Variants in RASGRF1 observed in about 807,000 individuals in gnomAD.
RASGRF1 encodes ras-specific guanine nucleotide-releasing factor 1.
In RASGRF1, 40 loss-of-function variants were observed where a neutral mutation model predicts 138.7. The observed-to-expected ratio is 0.29, with a 90% confidence interval of 0.22 to 0.38. The LOEUF (loss-of-function observed/expected upper bound fraction) is 0.38, where lower values mean the gene tolerates loss of function less well. Among genes scored for constraint, RASGRF1 ranks in the 10% least tolerant of loss-of-function variants. RASGRF1 has a pLI of 1.00. For missense variants in RASGRF1, 1,108 were observed against 1,650.4 expected, an observed-to-expected ratio of 0.67 and a Z score of 5.69; for synonymous variants, 614 against 663.2, an observed-to-expected ratio of 0.93 and a Z score of 1.14.
chr15:79,004,801 G>A (rs1166169170), intron 14 of RASGRF1: 9 of 985,390 alleles, frequency 9.1e-6, no homozygotes, highest in Middle Eastern at 5.2e-4. Context: ...TTGTCTCATC[G>A]AGGCTGTCTG....
intron 25 of RASGRF1, among the ~76,000 whole-genome samples, chr15:78,972,835 T>C (rs561088575): frequency 6.6e-6 from 1 of 152,238 alleles, no homozygotes; most frequent in South Asian, 2.1e-4. Flanking sequence ...AAACTTACTC[T>C]TTTAGGAGGT....
intron 15 of RASGRF1, 51 bp downstream of exon 15, chr15:79,003,751 C>T (rs760577561): frequency 1.3e-6 from 2 of 1,537,936 alleles, no homozygotes; most frequent in Non-Finnish European, 1.7e-6. Flanking sequence ...CAGGCTGAGC[C>T]TCAGTGGGGC....
intron 24 of RASGRF1, among the ~76,000 whole-genome samples, chr15:78,975,127 G>A (rs1055969235): frequency 7.2e-5 from 11 of 152,166 alleles, no homozygotes; most frequent in Non-Finnish European, 1.3e-4. Flanking sequence ...GCTCACTCCT[G>A]TAATCCCAGG....
chr15:79,024,350 C>T (rs2057013790), intron 10 of RASGRF1, among the ~76,000 whole-genome samples: 1 of 151,904 alleles, frequency 6.6e-6, no homozygotes, highest in African/African-American at 2.4e-5. Flanking sequence ...AGAGACACAA[C>T]ACACATAGAG....
At chr15:79,056,506 A>C (rs1027402055) in intron 3 of RASGRF1, among the ~76,000 whole-genome samples, 2 of 152,162 alleles carry the variant, frequency 1.3e-5, no homozygotes, top group African/African-American at 4.8e-5. Context: ...TGGCAAGCAG[A>C]CAGGAGACCT....
At chr15:79,003,678 C>A in intron 15 of RASGRF1, 124 bp downstream of exon 15, 1 of 1,424,076 alleles carries the variant, frequency 7.0e-7, no homozygotes, top group Non-Finnish European at 9.3e-7. Flanking sequence ...CTGGTGGGAC[C>A]CCCAAGCCTC....
At chr15:78,988,048 A>G (rs775659657) in intron 22 of RASGRF1, among the ~76,000 whole-genome samples, 2 of 152,244 alleles carry the variant, frequency 1.3e-5, no homozygotes, top group Non-Finnish European at 2.9e-5. Flanking sequence ...CATCCTGTGT[A>G]TCAGAACCAA....
At chr15:79,030,244 T>C (rs1017053774) in intron 8 of RASGRF1, among the ~76,000 whole-genome samples, 2 of 152,146 alleles carry the variant, frequency 1.3e-5, no homozygotes, top group African/African-American at 4.8e-5. Context: ...TTTAGGGCAC[T>C]GAGTGTTTGG....
rs1056603931 is a variant in RASGRF1 at position 78,998,190 on chromosome 15, C to T, written c.2872G>A (p.Glu958Lys). ...KHSQDFETND[E>K]LKCKVIGFLE... ...AAGCCGATCACCTTGCATTTGAGCT[C>T]ATCGTTGGTCTCAAAGTCCTGCCGG... The change falls in exon 19 of 27, where the codon GAG becomes AAG. Residue 958 changes from glutamate (E) to lysine (K), a missense_variant. Physicochemically the swap from Glu to Lys is moderately conservative, Grantham distance 56. Coordinates refer to ENST00000558480, the MANE Select transcript of RASGRF1 (RefSeq NM_001145648.3). 5 of 1,614,184 alleles carry T rather than the reference C, an allele frequency of 3.1e-6. No individual in the cohort carries two copies. The highest frequency in any genetic ancestry group is 1.6e-4 in the Middle Eastern group (1 of 6,062).
rs1315952259 is a variant in RASGRF1 at position 79,004,133 on chromosome 15, G to T, written c.2118C>A (p.Leu706=). The change falls in exon 15 of 27, where the codon CTC becomes CTA. Residue 706 remains leucine (L), a synonymous_variant. Transcript: ENST00000558480. ...GGGACTTGGGGGGTTCACCGTACAGGAGCTTATTGTTCTGGCCACTGGCAA... is the reference window on the plus strand; with the variant it reads ...GGGACTTGGGGGGTTCACCGTACAGTAGCTTATTGTTCTGGCCACTGGCAA... ...LLFASGQNNK[L]LYGEPPKSPR... 4 of 1,608,070 alleles carry T rather than the reference G, an allele frequency of 2.5e-6. No individual in the cohort carries two copies. In the African/African-American group the frequency reaches 5.3e-5, roughly 21 times the overall value.
At chr15:79,069,101 G>A (rs900421484) in intron 1 of RASGRF1, among the ~76,000 whole-genome samples, 1 of 152,124 alleles carries the variant, frequency 6.6e-6, no homozygotes, top group African/African-American at 2.4e-5. Context: ...TGACCCTTTG[G>A]TCTTGGACTG....
At chr15:79,005,168 A>G in intron 14 of RASGRF1, 1 of 985,488 alleles carries the variant, frequency 1.0e-6, no homozygotes, top group East Asian at 1.1e-4. Context: ...GAGAGGCAAG[A>G]TGTACCCTGC....
chr15:79,010,958 T>G (rs1279098449), intron 13 of RASGRF1, among the ~76,000 whole-genome samples: 1 of 152,144 alleles, frequency 6.6e-6, no homozygotes. Flanking sequence ...ACCTTTGTCT[T>G]GCAAACCCAA....
chr15:78,963,823 C>T (rs1298324778), intron 26 of RASGRF1, among the ~76,000 whole-genome samples: 3 of 152,158 alleles, frequency 2.0e-5, no homozygotes, highest in Non-Finnish European at 4.4e-5. Flanking sequence ...TCTGGTTTAA[C>T]CTACACCCAG....
chr15:79,052,879 G>C (rs550799716), intron 3 of RASGRF1, among the ~76,000 whole-genome samples: 1 of 152,100 alleles, frequency 6.6e-6, no homozygotes, highest in Non-Finnish European at 1.5e-5. Context: ...GGGGGTGCTG[G>C]TGGGGAAGGA....
At chr15:79,025,145 G>A (rs2057028287) in intron 10 of RASGRF1, among the ~76,000 whole-genome samples, 169 bp downstream of exon 10, 2 of 152,130 alleles carry the variant, frequency 1.3e-5, no homozygotes, top group Non-Finnish European at 2.9e-5. Flanking sequence ...GTCAAGTTCT[G>A]CTCTCTCCAG....
intron 10 of RASGRF1, among the ~76,000 whole-genome samples, chr15:79,020,439 T>C (rs2056944802): frequency 6.6e-6 from 1 of 152,226 alleles, no homozygotes; most frequent in African/African-American, 2.4e-5. Context: ...CATCGCTTCA[T>C]AGCCCTAAAT....
In RASGRF1 at chr15:79,027,317, A is replaced by T. The variant is rs1024427250; in HGVS notation, c.1381+424T>A. Among the ~76,000 whole-genome samples, 7 of 152,174 alleles carry T rather than the reference A, an allele frequency of 4.6e-5. No homozygotes were observed. The highest frequency in any genetic ancestry group is 1.7e-4 in the African/African-American group (7 of 41,434). ...GGTCTCTCCAAAGCAGCAGAGGATG[A>T]TGAGGAAAGGACAGGGGAATGGACC... On this transcript the variant is annotated intron_variant, in intron 9 of 26. Coordinates refer to ENST00000558480, the MANE Select transcript of RASGRF1 (RefSeq NM_001145648.3). The surrounding 1 kb of genome is among the most constrained non-coding windows in gnomAD (Gnocchi z 4.8).
At chr15:79,039,317 A>G (rs945791538) in intron 5 of RASGRF1, among the ~76,000 whole-genome samples, 60 of 151,296 alleles carry the variant, frequency 4.0e-4, no homozygotes, top group African/African-American at 1.2e-3. Context: ...AAAAAAAAAA[A>G]AAAAAGAAAA....
Sources: allele counts gnomAD v4.1 joint callset (sites outside exome capture counted in the v4.1 genomes callset), GRCh38; gene constraint gnomAD v4.1.1; non-coding constraint Gnocchi (gnomAD v3.1); transcripts MANE v1.5; gene names NCBI Gene and HGNC (gene_info 2026-07-23, HGNC 2026-07-21).